NIPAL3: variants seen among roughly 807,000 people sequenced by gnomAD.
The protein encoded by NIPAL3 is NIPA-like protein 3.
Under a neutral mutation model 47.2 loss-of-function variants are expected in NIPAL3, and 41 were observed. That is an observed-to-expected ratio of 0.87 (90% CI 0.68 to 1.13). The LOEUF is 1.13. NIPAL3 is among the 50% of genes most tolerant of loss of function. The probability of loss-of-function intolerance (pLI) is 0.00; values close to 1 mark genes in which losing one functional copy is unlikely to be tolerated. For synonymous variants in NIPAL3, 194 were observed against 209.6 expected (o/e 0.93, Z 0.64); for missense variants, 449 against 530.1 (o/e 0.85, Z 1.50).
rs1405197399 is a variant in NIPAL3, at chr1:24,427,526, T to G, written c.93+7886T>G. On this transcript the variant is annotated intron_variant, in intron 2 of 11. Coordinates refer to ENST00000374399, the MANE Select transcript of NIPAL3 (RefSeq NM_020448.5). ...TGGCTTTTAAAAGAAACCTCAGCCA[T>G]CTGTGTCCTTAGTGGAAATGTGGCA... is the stretch of plus-strand genomic sequence containing the variant. Among the ~76,000 whole-genome samples the G allele has an allele frequency of 3.9e-5, 6 of 152,244 alleles. No individual in the cohort carries two copies. In the South Asian group the frequency reaches 1.2e-3, roughly 31 times the overall value.
At chr1:24,434,560 C>T (rs1645016199) in intron 2 of NIPAL3, among the ~76,000 whole-genome samples, 3 of 152,124 alleles carry the variant, frequency 2.0e-5, no homozygotes, top group Non-Finnish European at 4.4e-5. Flanking sequence ...AAATAGAAGA[C>T]TTGAACAACA....
intron 2 of NIPAL3, among the ~76,000 whole-genome samples, chr1:24,423,401 G>A (rs1010511015): frequency 1.3e-5 from 2 of 152,192 alleles, no homozygotes; most frequent in African/African-American, 2.4e-5. Flanking sequence ...AGCACTTTGG[G>A]AGGCCGAGGC....
chr1:24,420,684 T>C (rs1216262142), intron 2 of NIPAL3, among the ~76,000 whole-genome samples: 1 of 152,190 alleles, frequency 6.6e-6, no homozygotes, highest in Non-Finnish European at 1.5e-5. Context: ...ACTTGTGGAA[T>C]ATTTCCCCAT....
intron 5 of NIPAL3, among the ~76,000 whole-genome samples, chr1:24,446,295 C>T (rs1028078793): frequency 1.3e-5 from 2 of 152,032 alleles, no homozygotes; most frequent in African/African-American, 4.8e-5. Context: ...TTCAGGGGTA[C>T]ATGTGCAGGA....
At chr1:24,423,807 A>T (rs1644449365) in intron 2 of NIPAL3, among the ~76,000 whole-genome samples, 1 of 151,944 alleles carries the variant, frequency 6.6e-6, no homozygotes, top group Non-Finnish European at 1.5e-5. Context: ...GATTTGAAGA[A>T]CTCTGGGTTG....
intron 11 of NIPAL3, among the ~76,000 whole-genome samples, chr1:24,467,900 AAC>A (rs1313958332): frequency 2.0e-5 from 3 of 152,152 alleles, no homozygotes; most frequent in African/African-American, 7.2e-5. Context: ...GGGCATATTA[AAC>A]AGTTAGATGT....
chr1:24,420,312 G>T (rs1176147628), intron 2 of NIPAL3, among the ~76,000 whole-genome samples: 1 of 152,032 alleles, frequency 6.6e-6, no homozygotes, highest in African/African-American at 2.4e-5. Flanking sequence ...AACCAGCCTG[G>T]GCAACATAGT....
chr1:24,446,113 GA>G (rs1645652232), intron 5 of NIPAL3, among the ~76,000 whole-genome samples: 2 of 145,978 alleles, frequency 1.4e-5, no homozygotes, highest in African/African-American at 5.1e-5. Flanking sequence ...TGTGTTGTGG[GA>G]GGGGAGAGAT....
intron 1 of NIPAL3, among the ~76,000 whole-genome samples, chr1:24,418,575 C>T (rs114574618): frequency 1.3e-3 from 193 of 152,232 alleles, no homozygotes; most frequent in Non-Finnish European, 2.2e-3. Context: ...CCACTGCACT[C>T]CAGCTTGGAT....
At chr1:24,455,102 G>A (rs1032381627) in intron 7 of NIPAL3, among the ~76,000 whole-genome samples, 5 of 152,222 alleles carry the variant, frequency 3.3e-5, no homozygotes, top group African/African-American at 7.2e-5. Flanking sequence ...GAGACACTGC[G>A]TGTTGGGGGT....
At chr1:24,435,970 G>A (rs139595310) in intron 2 of NIPAL3, among the ~76,000 whole-genome samples, 2,218 of 152,260 alleles carry the variant, frequency 0.015, 43 homozygotes, top group African/African-American at 0.04. Flanking sequence ...CACCTCAGAC[G>A]GCACTTCCTC....
intron 8 of NIPAL3, among the ~76,000 whole-genome samples, chr1:24,458,456 A>G (rs1646323288): frequency 1.3e-5 from 2 of 152,328 alleles, no homozygotes; most frequent in South Asian, 4.1e-4. Context: ...TCAAATTAAA[A>G]AGAAATTTTG....
chr1:24,446,259 T>C (rs2148818713), intron 5 of NIPAL3, among the ~76,000 whole-genome samples: 1 of 152,178 alleles, frequency 6.6e-6, no homozygotes, highest in East Asian at 1.9e-4. Context: ...GAGGAGGTGA[T>C]TTTTCCCCCC....
In NIPAL3 at chr1:24,449,383, A is replaced by G; in HGVS notation, c.395-98A>G. Reference sequence around the variant, plus strand: ...AATACAAACAATACCAGGTCATGGTATGTTGCAGGAGAAGCCTGTTTTTTC... The same window carrying G: ...AATACAAACAATACCAGGTCATGGTGTGTTGCAGGAGAAGCCTGTTTTTTC... On this transcript the variant is annotated intron_variant, in intron 5 of 11. Coordinates refer to ENST00000374399, the MANE Select transcript of NIPAL3 (RefSeq NM_020448.5). The surrounding 1 kb of genome is among the most constrained non-coding windows in gnomAD (Gnocchi z 4.5). 2.4e-6 allele frequency: 3 copies of G among 1,248,152 alleles called. No homozygotes were observed. The highest frequency in any genetic ancestry group is 3.3e-6 in the Non-Finnish European group (3 of 905,824). 77.3% of individuals were successfully genotyped at this position (1,248,152 alleles called of 1,614,324 possible).
chr1:24,442,050 T>C lies in NIPAL3; in HGVS notation c.163-5T>C. The C allele has an allele frequency of 6.2e-7, 1 of 1,612,882 alleles. No homozygotes were observed. Among genetic ancestry groups the C allele is most frequent in the Non-Finnish European group, 8.5e-7 (1 of 1,179,244 alleles). Reference sequence around the variant, plus strand: ...AGCAAATTGCATTATTTCTCGGGTTTCTAGAAGTACTGCCACATCCGCCTG... The same window carrying C: ...AGCAAATTGCATTATTTCTCGGGTTCCTAGAAGTACTGCCACATCCGCCTG... On this transcript the variant is annotated splice_region_variant and splice_polypyrimidine_tract_variant and intron_variant, in intron 3 of 11. Transcript: ENST00000374399.
chr1:24,465,958 T>A, intron 11 of NIPAL3: 1 of 1,573,068 alleles, frequency 6.4e-7, no homozygotes, highest in Non-Finnish European at 8.6e-7. Flanking sequence ...TTCCAGCCAC[T>A]TGGTTTCCCT....
rs895859472 is a variant in NIPAL3, at chr1:24,456,198, G to A, written c.698G>A (p.Gly233Glu). The change falls in exon 8 of 12, where the codon GGG becomes GAG. Residue 233 changes from glycine (G) to glutamate (E), a missense_variant. Coordinates refer to ENST00000374399, the MANE Select transcript of NIPAL3 (RefSeq NM_020448.5). ...GGGATGCTTGTCTTGTCCATTCAAG[G>A]GAACCTGCAGCTTGACTACCCCATC... ...VAGMLVLSIQ[G>E]NLQLDYPIFY... 6.2e-7 allele frequency: 1 copy of A among 1,614,192 alleles called. No individual in the cohort carries two copies. The highest frequency in any genetic ancestry group is 1.3e-5 in the African/African-American group (1 of 75,034).
intron 1 of NIPAL3, among the ~76,000 whole-genome samples, chr1:24,418,947 G>A (rs1002296013): frequency 2.0e-5 from 3 of 148,584 alleles, no homozygotes; most frequent in Admixed American, 6.7e-5. Flanking sequence ...GAGACCTGGA[G>A]AAGTTAGTAT....
In NIPAL3 at chr1:24,419,394, C is replaced by T. The variant is rs982928908; in HGVS notation, c.-154C>T. On this transcript the variant is annotated 5_prime_UTR_variant, in exon 2 of 12. Transcript: ENST00000374399. ...GCTGAGGAGAAGGCTGTAAATCTGC[C>T]AAAACAGCCTTGAAGTATTCTTTTG... 1 of 1,340,426 alleles carries T rather than the reference C, an allele frequency of 7.5e-7. No homozygotes were observed. The highest frequency in any genetic ancestry group is 1.5e-5 in the African/African-American group (1 of 65,946). 83.0% of individuals were successfully genotyped at this position (1,340,426 alleles called of 1,614,324 possible).
Sources: allele counts gnomAD v4.1 joint callset (sites outside exome capture counted in the v4.1 genomes callset), GRCh38; gene constraint gnomAD v4.1.1; non-coding constraint Gnocchi (gnomAD v3.1); transcripts MANE v1.5; gene names NCBI Gene and HGNC (gene_info 2026-07-23, HGNC 2026-07-21).